The following TPRG1 variants were observed in gnomAD, a reference collection of about 807,000 sequenced individuals.
The protein encoded by TPRG1 is tumor protein p63-regulated gene 1 protein.
In TPRG1, 29 loss-of-function variants were observed where a neutral mutation model predicts 29.3. The observed-to-expected ratio is 0.99, with a 90% CI of 0.74 to 1.35. The LOEUF (loss-of-function observed/expected upper bound fraction) is 1.35. Among genes scored for constraint, TPRG1 ranks in the 40% most tolerant of loss-of-function variants. TPRG1 has a pLI of 0.00. For synonymous variants in TPRG1, 130 were observed against 116.8 expected (o/e 1.11, Z -0.73); for missense variants, 327 against 335.0 (o/e 0.98, Z 0.19).
chr3:189,059,681 A>G (rs957520078), intron 4 of TPRG1, among the ~76,000 whole-genome samples: 1 of 152,198 alleles, frequency 6.6e-6, no homozygotes. Flanking sequence ...AGTTTTAAAC[A>G]TGAAAAAACT....
At chr3:189,047,821 C>T (rs1157639399) in intron 4 of TPRG1, among the ~76,000 whole-genome samples, 2 of 152,198 alleles carry the variant, frequency 1.3e-5, no homozygotes, top group African/African-American at 2.4e-5. Context: ...AAAGTTTGAT[C>T]ATGAGATTAT....
chr3:189,272,532 T>C (rs1252423352), intron 4 of TPRG1, among the ~76,000 whole-genome samples: 1 of 152,190 alleles, frequency 6.6e-6, no homozygotes. Context: ...TGGGCAAGTC[T>C]CGTTCTTCAA....
upstream of TPRG1, among the ~76,000 whole-genome samples, chr3:189,169,884 C>T (rs1043130049): frequency 3.3e-5 from 5 of 152,098 alleles, no homozygotes; most frequent in Non-Finnish European, 5.9e-5. Flanking sequence ...TGAGGTTTTC[C>T]GTGTGGCATT....
At chr3:189,295,948 T>G (rs1436961557) in intron 4 of TPRG1, among the ~76,000 whole-genome samples, 1 of 151,956 alleles carries the variant, frequency 6.6e-6, no homozygotes, top group African/African-American at 2.4e-5. Context: ...AGACTGTTTC[T>G]TAAGCCTTGA....
At chr3:189,251,332 G>T (rs142596587) in intron 4 of TPRG1, among the ~76,000 whole-genome samples, 4 of 152,164 alleles carry the variant, frequency 2.6e-5, no homozygotes, top group Non-Finnish European at 5.9e-5. Context: ...ACAAGTAAAG[G>T]CTGTGGATGA....
chr3:189,054,779 CT>C (rs1224593447), intron 4 of TPRG1, among the ~76,000 whole-genome samples: 2 of 151,696 alleles, frequency 1.3e-5, no homozygotes, highest in Admixed American at 1.3e-4. Flanking sequence ...AACACTGTCT[CT>C]TAAAAAACAA....
chr3:189,010,936 TG>T (rs1432141242), intron 3 of TPRG1, among the ~76,000 whole-genome samples: 5 of 152,132 alleles, frequency 3.3e-5, no homozygotes, highest in African/African-American at 1.2e-4. Context: ...TTGATTTTTT[TG>T]GTATATGGTG....
chr3:189,070,248 G>A (rs1403619242), intron 4 of TPRG1, among the ~76,000 whole-genome samples: 2 of 152,170 alleles, frequency 1.3e-5, no homozygotes, highest in Non-Finnish European at 2.9e-5. Flanking sequence ...GTGGTTGCCA[G>A]GGAGTCGTGA....
chr3:189,165,953 C>A (rs1305718155), intron 5 of TPRG1, among the ~76,000 whole-genome samples: 3 of 152,114 alleles, frequency 2.0e-5, no homozygotes, highest in Admixed American at 2.0e-4. Flanking sequence ...CCTCCCTCTC[C>A]CCAGGTGATT....
At chr3:189,083,481 AGGG>A (rs1464770099) in intron 4 of TPRG1, among the ~76,000 whole-genome samples, 6 of 152,338 alleles carry the variant, frequency 3.9e-5, no homozygotes, top group Admixed American at 3.9e-4. Flanking sequence ...CCACTGGAGC[AGGG>A]AAGGGTTAGG....
chr3:189,183,186 G>A (rs1730465259), intron 1 of TPRG1, among the ~76,000 whole-genome samples: 1 of 152,114 alleles, frequency 6.6e-6, no homozygotes. Flanking sequence ...GGGCGTCCGG[G>A]GGAGACATCA....
At chr3:189,084,589 C>T (rs992449033) in intron 4 of TPRG1, among the ~76,000 whole-genome samples, 17 of 152,294 alleles carry the variant, frequency 1.1e-4, no homozygotes, top group Middle Eastern at 3.4e-3. Context: ...TTAAATATAA[C>T]TTCTTTTATT....
intron 3 of TPRG1, among the ~76,000 whole-genome samples, chr3:189,133,608 T>C (rs1723365703): frequency 6.6e-6 from 1 of 152,176 alleles, no homozygotes; most frequent in Non-Finnish European, 1.5e-5. Context: ...TCCTCTGCCA[T>C]GATTGTGAGT....
In TPRG1 at chr3:189,222,854, C is replaced by T. The variant is rs375316300; in HGVS notation, c.302+7471C>T. Among the ~76,000 whole-genome samples, 8 of 152,290 alleles carry T rather than the reference C, an allele frequency of 5.3e-5. No homozygotes were observed. The East Asian group carries it at 7.7e-4, about 15-fold the overall frequency. Reference sequence around the variant, plus strand: ...TTTCCCCAAATTTCCGGTGCTATCCCTTGGCCTCATGATTGCACTCATCCC... The same window carrying T: ...TTTCCCCAAATTTCCGGTGCTATCCTTTGGCCTCATGATTGCACTCATCCC... On this transcript the variant is annotated intron_variant, in intron 3 of 5. Transcript: ENST00000345063.
rs542242147 is a variant in TPRG1, at chr3:189,323,578, A to T, written c.*2758A>T. 2 of 152,048 alleles carry T rather than the reference A, an allele frequency of 1.3e-5. No homozygotes were observed. The highest frequency in any genetic ancestry group is 2.4e-5 in the African/African-American group (1 of 41,412). The allele number at this position is 152,048 out of a possible 1,614,324, so 9.4% of individuals were successfully genotyped here. A position where few individuals can be genotyped will look rare whatever the true frequency, so the allele number is the denominator to read the frequency against. On this transcript the variant is annotated 3_prime_UTR_variant, in exon 6 of 6. Coordinates refer to ENST00000345063, the MANE Select transcript of TPRG1 (RefSeq NM_198485.4). ...AGAAATTGTTTCTTCATTACCATCG[A>T]CCTACTGATTATGGTTTTCTCATTT... is the stretch of plus-strand genomic sequence containing the variant.
intron 4 of TPRG1, among the ~76,000 whole-genome samples, chr3:189,306,010 A>G (rs1721574535): frequency 6.6e-6 from 1 of 152,200 alleles, no homozygotes. Context: ...TATTTCTGAA[A>G]TGAGACTTGC....
At position 189,324,655 on chromosome 3, in the gene TPRG1, GA is replaced by G. The variant is rs1724577378; in HGVS notation, c.*3836del. The stretch of plus-strand genomic sequence containing the variant: ...TCTGCTGGCATTTTGTGGGGCAGGA[GA>G]GGGGGAGGGCAAAGGTATTAAATTT... On this transcript the variant is annotated 3_prime_UTR_variant, in exon 6 of 6. Coordinates refer to ENST00000345063, the MANE Select transcript of TPRG1 (RefSeq NM_198485.4). The G allele has an allele frequency of 6.6e-6, 1 of 152,162 alleles. No homozygotes were observed. Among genetic ancestry groups the G allele is most frequent in the East Asian group, 1.9e-4 (1 of 5,186 alleles). 9.4% of individuals were successfully genotyped at this position (152,162 alleles called of 1,614,324 possible). A position where few individuals can be genotyped will look rare whatever the true frequency, so the allele number is the denominator to read the frequency against.
At chr3:189,157,556 A>G (rs767724386) in intron 5 of TPRG1, among the ~76,000 whole-genome samples, 1 of 152,164 alleles carries the variant, frequency 6.6e-6, no homozygotes, top group Non-Finnish European at 1.5e-5. Context: ...GGTTCCGGCC[A>G]CCTTCTGTTC....
intron 1 of TPRG1, among the ~76,000 whole-genome samples, chr3:189,125,813 TTGTGTGTGTGTGTGTGTGTGTGTG>T (rs751689409): frequency 1.6e-4 from 20 of 124,142 alleles, no homozygotes; most frequent in East Asian, 7.2e-4. Context: ...GCAGGGTGTT[TTGTGTGTGTGTGTGTGTGTGTGTG>T]TGTGTGTGTG....
Sources: allele counts gnomAD v4.1 joint callset (sites outside exome capture counted in the v4.1 genomes callset), GRCh38; gene constraint gnomAD v4.1.1; transcripts MANE v1.5; gene names NCBI Gene and HGNC (gene_info 2026-07-23, HGNC 2026-07-21).